Variants in JADE1 observed in about 807,000 individuals in gnomAD.
The protein encoded by JADE1 is protein Jade-1.
Under a neutral mutation model 81.8 loss-of-function variants are expected in JADE1, and 14 were observed. The observed-to-expected ratio is 0.17, with a 90% CI of 0.11 to 0.27. The LOEUF (loss-of-function observed/expected upper bound fraction) is 0.27. JADE1 is among the 10% of genes least tolerant of loss of function. JADE1 has a pLI of 1.00. For missense variants in JADE1, 690 were observed against 1,047.9 expected (o/e 0.66, Z 4.71); for synonymous variants, 353 against 391.9 (o/e 0.90, Z 1.17).
intron 2 of JADE1, among the ~76,000 whole-genome samples, chr4:128,837,974 A>T (rs563543207): frequency 3.9e-5 from 6 of 152,314 alleles, no homozygotes; most frequent in African/African-American, 1.4e-4. Flanking sequence ...CAGCTACCAA[A>T]TGTGGAAGGT....
rs1213479527 is a variant in JADE1, at chr4:128,874,198, G to A, written c.*1936G>A. On this transcript the variant is annotated 3_prime_UTR_variant, in exon 11 of 11. Transcript: ENST00000226319. ...TTTTGCATATGAGCAAAAACCTTTT[G>A]CTGGATACAGGAGAAGGTTGGACTT... is the stretch of plus-strand genomic sequence containing the variant. 2.6e-5 allele frequency: 4 copies of A among 152,520 alleles called. No individual in the cohort carries two copies. Among genetic ancestry groups the A allele is most frequent in the Non-Finnish European group, 1.5e-5 (1 of 68,026 alleles). The allele number at this position is 152,520 out of a possible 1,614,324, so 9.4% of individuals were successfully genotyped here.
chr4:128,857,209 TGA>T, intron 7 of JADE1, 127 bp from the exon 8 acceptor site: 1 of 735,802 alleles, frequency 1.4e-6, no homozygotes, highest in South Asian at 1.6e-5. Context: ...GGGTTTGCTT[TGA>T]GTGGGTGCCC....
chr4:128,862,127 C>G lies in JADE1; in HGVS notation c.1405C>G (p.Pro469Ala). 1.9e-6 allele frequency: 3 copies of G among 1,614,128 alleles called. No homozygotes were observed. The highest frequency in any genetic ancestry group is 2.5e-6 in the Non-Finnish European group (3 of 1,180,032). ...KVNFNKPLIT[P>A]KKDEEDNLAK... ...CAACTTCAACAAGCCCCTGATCACC[C>G]CAAAGAAAGATGAAGAGGACAATCT... The change falls in exon 9 of 11, where the codon CCA becomes GCA. Residue 469 changes from proline to alanine, a missense_variant. Transcript: ENST00000226319.
At chr4:128,866,385 A>G (rs1456121007) in intron 9 of JADE1, among the ~76,000 whole-genome samples, 10 of 152,200 alleles carry the variant, frequency 6.6e-5, no homozygotes, top group Non-Finnish European at 1.5e-4. Context: ...CTGACTTGGC[A>G]TTTTCCTGTT....
intron 2 of JADE1, among the ~76,000 whole-genome samples, chr4:128,834,530 C>CTTTTTTT (rs202245727): frequency 1.0e-5 from 1 of 99,180 alleles, no homozygotes; most frequent in African/African-American, 3.6e-5. Flanking sequence ...CCAAATATTT[C>CTTTTTTT]TTTTTTTTTT....
At chr4:128,829,035 CCCTTTTA>C (rs567579521) in intron 1 of JADE1, among the ~76,000 whole-genome samples, 2 of 152,134 alleles carry the variant, frequency 1.3e-5, no homozygotes, top group Non-Finnish European at 2.9e-5. Flanking sequence ...TTTCCCTTTT[CCCTTTTA>C]CCTCTTGCTG....
rs1316583700 is a variant in JADE1 at position 128,873,362 on chromosome 4, G to A, written c.*1100G>A. 2 of 152,272 alleles carry A rather than the reference G, an allele frequency of 1.3e-5. No individual in the cohort carries two copies. The highest frequency in any genetic ancestry group is 4.8e-5 in the African/African-American group (2 of 41,240). 9.4% of individuals were successfully genotyped at this position (152,272 alleles called of 1,614,324 possible). A position where few individuals can be genotyped will look rare whatever the true frequency, so the allele number is the denominator to read the frequency against. On this transcript the variant is annotated 3_prime_UTR_variant, in exon 11 of 11. Coordinates refer to ENST00000226319, the MANE Select transcript of JADE1 (RefSeq NM_199320.4). Reference sequence around the variant, plus strand: ...AAACAATAGAAAGGCAATAAGTTGCGATAAGCTCTTACTATTGACCAAGGT... The same window carrying A: ...AAACAATAGAAAGGCAATAAGTTGCAATAAGCTCTTACTATTGACCAAGGT...
intron 2 of JADE1, among the ~76,000 whole-genome samples, chr4:128,832,664 G>A (rs1213433309): frequency 1.3e-5 from 2 of 152,178 alleles, no homozygotes; most frequent in Admixed American, 1.3e-4. Context: ...GATGCACTGT[G>A]GAAACAGATA....
chr4:128,822,784 G>A (rs2125806951), intron 1 of JADE1, among the ~76,000 whole-genome samples: 1 of 152,280 alleles, frequency 6.6e-6, no homozygotes, highest in Non-Finnish European at 1.5e-5. Context: ...TCCCAACTCA[G>A]TCTGTCTTGG....
rs143731654 is a variant in JADE1 at position 128,861,755 on chromosome 4, C to T, written c.1033C>T (p.Arg345Trp). 11 of 1,614,146 alleles carry T rather than the reference C, an allele frequency of 6.8e-6. No homozygotes were observed. The highest frequency in any genetic ancestry group is 5.0e-5 in the Admixed American group (3 of 60,028). ...CTTCCATGTGACCTGTGCTTTTGAC[C>T]GGGGCCTGGAGATGAAGACCATCTT... ...TAFHVTCAFDRGLEMKTILAE... is the reference protein window; with the variant it reads ...TAFHVTCAFDWGLEMKTILAE... Residue 345 changes from arginine (R) to tryptophan (W), a missense_variant, in exon 9 of 11, where the codon CGG (arginine) becomes TGG (tryptophan). Physicochemically the swap from Arg to Trp is moderately radical, Grantham distance 101. This residue lies in a region of JADE1 where 77 missense variants were observed against 76.4 expected (regional missense o/e 1.01). Coordinates refer to ENST00000226319, the MANE Select transcript of JADE1 (RefSeq NM_199320.4).
chr4:128,834,515 G>GACT, intron 2 of JADE1, among the ~76,000 whole-genome samples: 1 of 148,772 alleles, frequency 6.7e-6, no homozygotes, highest in Admixed American at 6.8e-5. Context: ...AAAAGCCCTA[G>GACT]AAGACCAAAT....
chr4:128,809,951 T>C, intron 1 of JADE1, 74 bp downstream of exon 1: 1 of 153,368 alleles, frequency 6.5e-6, no homozygotes, highest in Non-Finnish European at 1.4e-5. Context: ...CGCGTGTGGG[T>C]CCGTGTGCGC....
At chr4:128,854,499 C>G (rs1311116211) in intron 6 of JADE1, among the ~76,000 whole-genome samples, 1 of 152,090 alleles carries the variant, frequency 6.6e-6, no homozygotes, top group Non-Finnish European at 1.5e-5. Context: ...TCTAGTAAGT[C>G]TGCGTTGACG....
At chr4:128,841,491 A>G (rs187364505) in intron 2 of JADE1, among the ~76,000 whole-genome samples, 88 of 152,256 alleles carry the variant, frequency 5.8e-4, no homozygotes, top group Non-Finnish European at 9.7e-4. Context: ...GTCTAGGACA[A>G]CTCTTAGATT....
At position 128,862,180 on chromosome 4, in the gene JADE1, T is replaced by C. The variant is rs756258154; in HGVS notation, c.1458T>C (p.Phe486=). ...CCAAGCGGGAGCAGGATGTCTTATT[T>C]AGGAGGCTGCAGCTGTTCACGCACC... The part of the protein sequence containing the change: ...NLAKREQDVL[F]RRLQLFTHLR... The change falls in exon 9 of 11, where the codon TTT becomes TTC. Residue 486 remains phenylalanine (F), a synonymous_variant. Transcript: ENST00000226319. 23 of 1,614,058 alleles carry C rather than the reference T, an allele frequency of 1.4e-5. No homozygotes were observed. The Admixed American group carries it at 3.2e-4, about 22-fold the overall frequency.
rs1179853404 is a variant in JADE1 at position 128,857,576 on chromosome 4, G to A, written c.981+122G>A. 1.4e-5 allele frequency: 11 copies of A among 770,110 alleles called. 1 individual carries two copies. Among genetic ancestry groups the A allele is most frequent in the Admixed American group, 6.7e-5 (3 of 45,014 alleles). The allele number at this position is 770,110 out of a possible 1,614,324, so 47.7% of individuals were successfully genotyped here. On this transcript the variant is annotated intron_variant, in intron 8 of 10. Transcript: ENST00000226319. ...GGGACTAGAATCCAGGAAGCAGGAC[G>A]AGGTTCCCAAGGGGTGACTCCAGCC...
At chr4:128,811,823 A>C (rs1052388576) in intron 1 of JADE1, 23 of 151,730 alleles carry the variant, frequency 1.5e-4, no homozygotes, top group African/African-American at 5.6e-4. Context: ...TCCTCGCCGG[A>C]TGGCTTCCTG....
intron 1 of JADE1, among the ~76,000 whole-genome samples, chr4:128,818,594 C>T (rs1727263479): frequency 6.6e-6 from 1 of 152,162 alleles, no homozygotes; most frequent in South Asian, 2.1e-4. Flanking sequence ...TTGCCTTTCT[C>T]TGTAAAGAGC....
chr4:128,873,281 G>GAAAAAAAAAAAAAAAAAAAAAAAA lies in JADE1; in HGVS notation c.*1029_*1030insAAAAAAAAAAAAAAAAAAAAAAAA, dbSNP rs1281020527. On this transcript the variant is annotated 3_prime_UTR_variant, in exon 11 of 11. Coordinates refer to ENST00000226319, the MANE Select transcript of JADE1 (RefSeq NM_199320.4). ...GAAAAAAAAAAAAAAAAGAAAAAAA[G>GAAAAAAAAAAAAAAAAAAAAAAAA]AAAAAAAAAAGAAAAAAGAAAAAAA... 3.8e-5 allele frequency: 4 copies of GAAAAAAAAAAAAAAAAAAAAAAAA among 105,630 alleles called. No homozygotes were observed. The highest frequency in any genetic ancestry group is 4.1e-5 in the Non-Finnish European group (2 of 49,144). 6.5% of individuals were successfully genotyped at this position (105,630 alleles called of 1,614,324 possible).
Sources: gnomAD v4.1 joint callset for allele counts (sites outside exome capture counted in the v4.1 genomes callset) on GRCh38, gnomAD v4.1.1 for gene constraint, gnomAD v4.1.1 regional missense constraint, MANE v1.5 for transcripts, NCBI Gene and HGNC (gene_info 2026-07-23, HGNC 2026-07-21) for gene names.